IQCE: variants seen among roughly 807,000 people sequenced by gnomAD.
The protein encoded by IQCE is IQ motif containing E, also known as IQ domain-containing protein E.
A neutral mutation model predicts 96.0 loss-of-function variants in IQCE; 115 were observed. The ratio of observed to expected loss-of-function variants is 1.20; its 90% CI spans 1.03 to 1.40. The LOEUF (loss-of-function observed/expected upper bound fraction) is 1.40. Among genes scored for constraint, IQCE ranks in the 40% most tolerant of loss-of-function variants. IQCE has a pLI of 0.00. For missense variants in IQCE, 1,041 were observed against 909.1 expected, an observed-to-expected ratio of 1.15 and a Z score of -1.87; for synonymous variants, 412 against 371.2, an observed-to-expected ratio of 1.11 and a Z score of -1.26.
intron 4 of IQCE, 129 bp downstream of exon 4, chr7:2,571,783 C>T: frequency 3.8e-6 from 4 of 1,045,204 alleles, no homozygotes; most frequent in East Asian, 4.9e-5. Flanking sequence ...TTCTCGAAGA[C>T]ATCAAATATA....
intron 16 of IQCE, 80 bp from the exon 17 acceptor site, chr7:2,598,385 G>T: frequency 7.3e-7 from 1 of 1,366,032 alleles, no homozygotes; most frequent in Non-Finnish European, 1.0e-6. Context: ...ACCATGCCGG[G>T]TAATATCCTG....
intron 16 of IQCE, among the ~76,000 whole-genome samples, chr7:2,597,688 G>A (rs1031766515): frequency 2.6e-5 from 4 of 152,158 alleles, no homozygotes; most frequent in African/African-American, 9.7e-5. Context: ...TCTTTTTAGA[G>A]ACAGGGTCTC....
intron 1 of IQCE, among the ~76,000 whole-genome samples, chr7:2,563,111 A>C (rs1233831950): frequency 6.6e-6 from 1 of 151,960 alleles, no homozygotes; most frequent in East Asian, 1.9e-4. Flanking sequence ...TTTTTTGTCA[A>C]CACTGGGTGT....
At chr7:2,567,696 TG>T (rs760984346) in intron 2 of IQCE, among the ~76,000 whole-genome samples, 4 of 152,208 alleles carry the variant, frequency 2.6e-5, no homozygotes, top group Non-Finnish European at 5.9e-5. Flanking sequence ...GCTCTTCTCG[TG>T]TATGAGCGAA....
Position 2,606,009 on chromosome 7 carries a change from TCA to T in IQCE, c.1865+14_1865+15del. The T allele has an allele frequency of 6.2e-7, 1 of 1,603,586 alleles. No homozygotes were observed. The highest frequency in any genetic ancestry group is 8.5e-7 in the Non-Finnish European group (1 of 1,176,096). On this transcript the variant is annotated intron_variant, in intron 20 of 21. Transcript: ENST00000402050. The stretch of plus-strand genomic sequence containing the variant: ...CGGGCCAGGCACAGGTGAGTCAGGG[TCA>T]CGGGGACGTGGGACACAGACATGGC...
chr7:2,562,237 T>G (rs1456411828), intron 1 of IQCE, among the ~76,000 whole-genome samples: 6 of 151,186 alleles, frequency 4.0e-5, no homozygotes, highest in African/African-American at 7.3e-5. Flanking sequence ...TCTTGGGGTG[T>G]GTGTGTGTGT....
intron 11 of IQCE, chr7:2,584,592 T>A (rs1249352363): frequency 3.0e-6 from 1 of 335,156 alleles, no homozygotes; most frequent in Non-Finnish European, 5.5e-6. Context: ...AGAGCCACCT[T>A]TTTAGGAAGA....
At chr7:2,593,256 T>C in intron 15 of IQCE, 130 bp downstream of exon 15, 2 of 1,366,070 alleles carry the variant, frequency 1.5e-6, no homozygotes, top group East Asian at 2.4e-5. Context: ...CCTCACAGTC[T>C]TTCATGGTTT....
At chr7:2,562,750 T>C (rs1318987149) in intron 1 of IQCE, among the ~76,000 whole-genome samples, 2 of 152,060 alleles carry the variant, frequency 1.3e-5, no homozygotes, top group Non-Finnish European at 2.9e-5. Context: ...TTATTCACTG[T>C]AATTTTTATT....
chr7:2,593,248 T>C (rs1206416880), intron 15 of IQCE, 122 bp downstream of exon 15: 4 of 1,385,128 alleles, frequency 2.9e-6, no homozygotes, highest in Non-Finnish European at 3.9e-6. Context: ...CCACACCTCC[T>C]CACAGTCTTT....
At chr7:2,609,246 G>T (rs1785004265) in intron 21 of IQCE, among the ~76,000 whole-genome samples, 1 of 152,052 alleles carries the variant, frequency 6.6e-6, no homozygotes, top group South Asian at 2.1e-4. Flanking sequence ...CAAGCTCACA[G>T]CGATCCGTGC....
intron 16 of IQCE, chr7:2,596,877 T>C: frequency 6.9e-6 from 3 of 436,676 alleles, no homozygotes; most frequent in South Asian, 4.9e-5. Flanking sequence ...GGAATGCTGG[T>C]GCCAAGCAAC....
At chr7:2,576,561 G>A (rs1240464326) in intron 6 of IQCE, among the ~76,000 whole-genome samples, 1 of 151,968 alleles carries the variant, frequency 6.6e-6, no homozygotes, top group Non-Finnish European at 1.5e-5. Flanking sequence ...CACCACACCT[G>A]GCTAATTTTT....
Position 2,577,902 on chromosome 7 carries a change from G to C in IQCE, c.466-340G>C, listed in dbSNP as rs1401355414. 2.3e-5 allele frequency among the ~76,000 whole-genome samples: 3 copies of C among 132,498 alleles called. 1 individual carries two copies. Among genetic ancestry groups the C allele is most frequent in the Non-Finnish European group, 4.8e-5 (3 of 62,272 alleles). 86.9% of individuals were successfully genotyped at this position (132,498 alleles called of 152,430 possible). ...GTGTGCGGCGTGCCCGCAGTGTCGT[G>C]TGCGTGGCTGTGCGCGCGGGGACGT... On this transcript the variant is annotated intron_variant, in intron 6 of 21. Coordinates refer to ENST00000402050, the MANE Select transcript of IQCE (RefSeq NM_152558.5).
chr7:2,581,902 C>T lies in IQCE; in HGVS notation c.631-678C>T, dbSNP rs192809052. 1.9e-3 allele frequency: 532 copies of T among 283,670 alleles called. 5 individuals are homozygous for T. The highest frequency in any genetic ancestry group is 0.01 in the African/African-American group (462 of 44,016). 17.6% of individuals were successfully genotyped at this position (283,670 alleles called of 1,614,324 possible). On this transcript the variant is annotated intron_variant, in intron 8 of 21. Transcript: ENST00000402050. ...TTTTTTTTTGTATTTTTAGTAGAGA[C>T]GGGGTTTCACCTTGTTAGCCAGGAT... is the stretch of plus-strand genomic sequence containing the variant.
intron 1 of IQCE, among the ~76,000 whole-genome samples, chr7:2,559,706 T>G (rs537883385): frequency 7.0e-6 from 1 of 143,524 alleles, no homozygotes; most frequent in South Asian, 2.2e-4. Flanking sequence ...TTAGGTTAGT[T>G]ACTTTGCCCG....
chr7:2,595,013 C>A, intron 16 of IQCE, 37 bp downstream of exon 16: 2 of 1,428,128 alleles, frequency 1.4e-6, no homozygotes, highest in Non-Finnish European at 2.0e-6. Context: ...CCGTCAGGTG[C>A]GGTGAGACTT....
chr7:2,583,770 G>T, intron 10 of IQCE, 61 bp downstream of exon 10: 1 of 240,818 alleles, frequency 4.2e-6, no homozygotes, highest in Non-Finnish European at 8.3e-6. Context: ...GGGGCGGAGG[G>T]CGGGCACCGA....
intron 18 of IQCE, among the ~76,000 whole-genome samples, chr7:2,604,207 C>G (rs955360247): frequency 3.3e-5 from 5 of 152,068 alleles, no homozygotes; most frequent in Admixed American, 6.5e-5. Context: ...AGGCTGGTCT[C>G]AAACTCCTGG....
Sources: gnomAD v4.1 joint callset for allele counts (sites outside exome capture counted in the v4.1 genomes callset) on GRCh38, gnomAD v4.1.1 for gene constraint, MANE v1.5 for transcripts, NCBI Gene and HGNC (gene_info 2026-07-23, HGNC 2026-07-21) for gene names.